MCM4: variants seen among roughly 807,000 people sequenced by gnomAD.
MCM4 encodes minichromosome maintenance complex component 4.
A neutral mutation model predicts 88.7 loss-of-function variants in MCM4; 60 were observed. The observed-to-expected ratio is 0.68, with a 90% CI of 0.55 to 0.84. The LOEUF is 0.84. Ranked by LOEUF, MCM4 falls within the 40% of genes least tolerant of loss-of-function variation. The pLI is 0.00. For missense variants in MCM4, 1,149 were observed against 1,105.5 expected (o/e 1.04, Z -0.56); for synonymous variants, 465 against 410.5 (o/e 1.13, Z -1.61).
rs181225315 is a variant in MCM4, at chr8:47,964,115, C to T, written c.694-459C>T. Among the ~76,000 whole-genome samples the T allele has an allele frequency of 2.5e-4, 38 of 152,168 alleles. 1 individual carries two copies. Among genetic ancestry groups the T allele is most frequent in the Admixed American group, 1.8e-3 (28 of 15,272 alleles). ...GCAAATGCCTGTAATCCCAGCTACT[C>T]GGGAGGCTGAGGCAGGAGAATTACT... On this transcript the variant is annotated intron_variant, in intron 7 of 16. Transcript: ENST00000649973.
At chr8:47,961,474 C>G in intron 2 of MCM4, 42 bp from the exon 3 acceptor site, 1 of 1,612,726 alleles carries the variant, frequency 6.2e-7, no homozygotes, top group Non-Finnish European at 8.5e-7. Flanking sequence ...AAGGCCGGCC[C>G]TGAAAGTTAA....
In MCM4 at chr8:47,977,263, C is replaced by CAAAAAAAAAAAAAAAAAAAAAAAAA. The variant is rs34372744; in HGVS notation, c.*507_*508insAAAAAAAAAAAAAAAAAAAAAAAAA. On this transcript the variant is annotated 3_prime_UTR_variant, in exon 17 of 17. Coordinates refer to ENST00000649973, the MANE Select transcript of MCM4 (RefSeq NM_182746.3). ...CCTCAGCAATAGAGTGAGACTGTCT[C>CAAAAAAAAAAAAAAAAAAAAAAAAA]AAAAAAAAAAAAAAAAAAAAAACCT... is the stretch of plus-strand genomic sequence containing the variant. 1 of 86,652 alleles carries CAAAAAAAAAAAAAAAAAAAAAAAAA rather than the reference C, an allele frequency of 1.2e-5. No individual in the cohort carries two copies. 5.4% of individuals were successfully genotyped at this position (86,652 alleles called of 1,614,324 possible).
At chr8:47,976,312 A>G (rs1563836978) in intron 16 of MCM4, among the ~76,000 whole-genome samples, 1 of 152,124 alleles carries the variant, frequency 6.6e-6, no homozygotes, top group Non-Finnish European at 1.5e-5. Context: ...AAAAAAGAAA[A>G]AATTGTTATG....
intron 4 of MCM4, 33 bp from the exon 5 acceptor site, chr8:47,962,272 G>C (rs769866093): frequency 7.4e-6 from 12 of 1,613,960 alleles, no homozygotes; most frequent in South Asian, 1.1e-5. Context: ...GGGTAACTCT[G>C]TTTTCATGAT....
In MCM4 at chr8:47,970,780, C is replaced by T. The variant is rs767209039; in HGVS notation, c.1704C>T (p.Asn568=). ...CAGGTGCTCTTGTCCTGAGTGACAA[C>T]GGCATCTGCTGTATCGATGAGTTCG... ...LQTGALVLSD[N]GICCIDEFDK... The change falls in exon 12 of 17, where the codon AAC becomes AAT. Residue 568 remains asparagine, a synonymous_variant. Transcript: ENST00000649973. 35 of 1,614,028 alleles carry T rather than the reference C, an allele frequency of 2.2e-5. No individual in the cohort carries two copies. The highest frequency in any genetic ancestry group is 2.1e-4 in the South Asian group (19 of 91,090).
chr8:47,962,088 A>T lies in MCM4; in HGVS notation c.271A>T (p.Thr91Ser). ...TGACTTTGATGTTAGTTCACCACTG[A>T]CATACGGCACTCCCAGCTCTCGGGT... is the stretch of plus-strand genomic sequence containing the variant. ...PLDFDVSSPL[T>S]YGTPSSRVEG... is the part of the protein sequence containing the mutation. The change falls in exon 4 of 17, where the codon ACA (threonine) becomes TCA (serine). Residue 91 changes from threonine to serine, a missense_variant. Transcript: ENST00000649973. The T allele has an allele frequency of 1.9e-6, 3 of 1,614,174 alleles. No individual in the cohort carries two copies. Among genetic ancestry groups the T allele is most frequent in the Non-Finnish European group, 2.5e-6 (3 of 1,180,024 alleles).
In MCM4 at chr8:47,962,821, G is replaced by A; in HGVS notation, c.559G>A (p.Asp187Asn). ...TAAAGAAGAAGAAAATGTTGGCATA[G>A]ATATTACTGAACCTCTATACATGCA... The part of the protein sequence containing the change: ...LAKEEENVGI[D>N]ITEPLYMQRL... Residue 187 changes from aspartate (D) to asparagine (N), a missense_variant, in exon 6 of 17, where the codon GAT becomes AAT. Asp to Asn is a conservative substitution (Grantham distance 23, BLOSUM62 1). Around this residue, in one of 3 missense-constraint regions of MCM4, gnomAD observed 906 missense variants for 843.0 expected, o/e 1.07. Transcript: ENST00000649973. 1 of 1,609,160 alleles carries A rather than the reference G, an allele frequency of 6.2e-7. No homozygotes were observed. The highest frequency in any genetic ancestry group is 1.1e-5 in the South Asian group (1 of 89,350).
intron 2 of MCM4, 125 bp from the exon 3 acceptor site, chr8:47,961,391 C>T (rs963324375): frequency 4.7e-5 from 73 of 1,558,982 alleles, no homozygotes; most frequent in Non-Finnish European, 5.8e-5. Context: ...CTGCTTAATT[C>T]GATTGCCATT....
chr8:47,962,448 ATGT>A (rs1390823740), intron 5 of MCM4, 42 bp downstream of exon 5: 2 of 1,585,712 alleles, frequency 1.3e-6, no homozygotes, highest in Non-Finnish European at 1.7e-6. Flanking sequence ...GGCTCTGAAA[ATGT>A]TGGGAGACCG....
intron 5 of MCM4, 103 bp downstream of exon 5, chr8:47,962,509 T>A: frequency 1.7e-6 from 2 of 1,170,558 alleles, no homozygotes; most frequent in Non-Finnish European, 2.5e-6. Context: ...AAGGGCCACC[T>A]GTGGTGGCTC....
rs1563837697 is a variant in MCM4 at position 47,977,662 on chromosome 8, T to C, written c.*884T>C. 1.3e-5 allele frequency: 2 copies of C among 152,294 alleles called. No homozygotes were observed. Among genetic ancestry groups the C allele is most frequent in the Non-Finnish European group, 2.9e-5 (2 of 68,090 alleles). The allele number at this position is 152,294 out of a possible 1,614,324, so 9.4% of individuals were successfully genotyped here. A position where few individuals can be genotyped will look rare whatever the true frequency, so the allele number is the denominator to read the frequency against. ...TTTGGTAGAGACGGCTTCGCCACGT[T>C]GCCCAGGCTGCAAGCGATATGCCTA... is the stretch of plus-strand genomic sequence containing the variant. On this transcript the variant is annotated 3_prime_UTR_variant, in exon 17 of 17. Transcript: ENST00000649973.
intron 15 of MCM4, 83 bp downstream of exon 15, chr8:47,975,045 GTTAAATCAT>G: frequency 9.0e-7 from 1 of 1,109,304 alleles, no homozygotes. Flanking sequence ...TAAGCTAACA[GTTAAATCAT>G]TTGAAACAGA....
chr8:47,961,095 AGG>A (rs2090820769), intron 1 of MCM4, 34 bp from the exon 2 acceptor site: 1 of 1,508,250 alleles, frequency 6.6e-7, no homozygotes, highest in Non-Finnish European at 8.8e-7. Context: ...GGAAGCCGGG[AGG>A]CGGGCCCGGC....
chr8:47,961,384 C>CTTA, intron 2 of MCM4, 132 bp from the exon 3 acceptor site: 1 of 1,545,130 alleles, frequency 6.5e-7, no homozygotes, highest in South Asian at 1.2e-5. Flanking sequence ...CTGGGTGCTG[C>CTTA]TTAATTCGAT....
At chr8:47,975,889 CT>C in intron 16 of MCM4, 41 bp downstream of exon 16, 1 of 1,395,490 alleles carries the variant, frequency 7.2e-7, no homozygotes, top group Non-Finnish European at 9.4e-7. Flanking sequence ...AGAGCTTTCT[CT>C]TTTTCCTTAA....
At position 47,971,366 on chromosome 8, in the gene MCM4, C is replaced by G; in HGVS notation, c.1826C>G (p.Ala609Gly). The G allele has an allele frequency of 6.2e-7, 1 of 1,614,114 alleles. No individual in the cohort carries two copies. The highest frequency in any genetic ancestry group is 8.5e-7 in the Non-Finnish European group (1 of 1,180,026). The change falls in exon 13 of 17, where the codon GCG becomes GGG. Residue 609 changes from alanine to glycine, a missense_variant. Coordinates refer to ENST00000649973, the MANE Select transcript of MCM4 (RefSeq NM_182746.3). ...AKAGIICQLN[A>G]RTSVLAAANP... ...GCTGGGATCATCTGTCAGCTCAATGCGCGCACCTCTGTCCTGGCAGCAGCA... is the reference window on the plus strand; with the variant it reads ...GCTGGGATCATCTGTCAGCTCAATGGGCGCACCTCTGTCCTGGCAGCAGCA...
At chr8:47,973,188 T>C in intron 14 of MCM4, 124 bp downstream of exon 14, 1 of 942,772 alleles carries the variant, frequency 1.1e-6, no homozygotes, top group Non-Finnish European at 1.6e-6. Flanking sequence ...TTCCTTGTTT[T>C]GAGACAGAGC....
chr8:47,971,185 T>C (rs1207951204), intron 12 of MCM4, 156 bp from the exon 13 acceptor site: 3 of 812,984 alleles, frequency 3.7e-6, no homozygotes, highest in Admixed American at 2.8e-5. Flanking sequence ...ACAGGGCTTA[T>C]CCAGGTGAAC....
intron 14 of MCM4, 148 bp from the exon 15 acceptor site, chr8:47,974,586 G>T (rs1016940160): frequency 4.4e-6 from 3 of 680,128 alleles, no homozygotes; most frequent in Non-Finnish European, 7.9e-6. Context: ...TGTCTGTGTA[G>T]TCTCTACCAC....
Sources: gnomAD v4.1 joint callset for allele counts (sites outside exome capture counted in the v4.1 genomes callset) on GRCh38, gnomAD v4.1.1 for gene constraint, gnomAD v4.1.1 regional missense constraint, MANE v1.5 for transcripts, NCBI Gene and HGNC (gene_info 2026-07-23, HGNC 2026-07-21) for gene names.